CNTRL: variants seen among roughly 807,000 people sequenced by gnomAD.
The protein encoded by CNTRL is 110 kDa centrosomal protein.
In CNTRL, 233 loss-of-function variants were observed where a neutral mutation model predicts 303.7. That is an observed-to-expected ratio of 0.77 (90% CI 0.69 to 0.86). The LOEUF is 0.86. Ranked by LOEUF, CNTRL falls within the 40% of genes least tolerant of loss-of-function variation. The probability of loss-of-function intolerance (pLI) is 0.00; values close to 1 mark genes in which losing one functional copy is unlikely to be tolerated. For missense variants in CNTRL, 2,524 were observed against 2,650.6 expected (o/e 0.95, Z 1.05); for synonymous variants, 900 against 922.2 (o/e 0.98, Z 0.44).
chr9:121,129,077 T>G (rs2050705935), intron 14 of CNTRL, among the ~76,000 whole-genome samples: 1 of 152,266 alleles, frequency 6.6e-6, no homozygotes, highest in Admixed American at 6.5e-5. Context: ...GGTAGCGTGA[T>G]GCCTCCAGCT....
intron 39 of CNTRL, among the ~76,000 whole-genome samples, chr9:121,170,264 C>G (rs1319595772): frequency 6.6e-6 from 1 of 152,182 alleles, no homozygotes; most frequent in African/African-American, 2.4e-5. Context: ...ATGCCTCAGC[C>G]TCCTGAGTAG....
chr9:121,132,809 A>G (rs1455513555), intron 14 of CNTRL, among the ~76,000 whole-genome samples: 2 of 151,950 alleles, frequency 1.3e-5, no homozygotes, highest in African/African-American at 2.4e-5. Flanking sequence ...CTACCTCCAG[A>G]TGGGGTTTTG....
intron 43 of CNTRL, among the ~76,000 whole-genome samples, chr9:121,176,571 G>C (rs1379712944): frequency 5.9e-5 from 9 of 152,216 alleles, no homozygotes; most frequent in African/African-American, 2.2e-4. Context: ...GAGAAGAGTA[G>C]AGTGCACAAG....
intron 1 of CNTRL, among the ~76,000 whole-genome samples, chr9:121,076,104 C>T (rs2047914028): frequency 6.6e-6 from 1 of 152,174 alleles, no homozygotes; most frequent in African/African-American, 2.4e-5. Context: ...TCTCTTGTAG[C>T]TTATAGTCTA....
In CNTRL at chr9:121,167,547, A is replaced by G. The variant is rs761762541; in HGVS notation, c.5714A>G (p.Gln1905Arg). 7.4e-6 allele frequency: 12 copies of G among 1,614,010 alleles called. No homozygotes were observed. Among genetic ancestry groups the G allele is most frequent in the Middle Eastern group, 1.6e-4 (1 of 6,084 alleles). Residue 1905 changes from glutamine (Q) to arginine (R), a missense_variant, in exon 37 of 44, where the codon CAG becomes CGG. By Grantham distance (43) the Gln-to-Arg change is conservative. Coordinates refer to ENST00000373855, the MANE Select transcript of CNTRL (RefSeq NM_007018.6). ...TTGCTCAGTGAGCAGACCCGACTCCAGAAGGACATCAGTGAATGGGCAAAT... is the reference window on the plus strand; with the variant it reads ...TTGCTCAGTGAGCAGACCCGACTCCGGAAGGACATCAGTGAATGGGCAAAT... The part of the protein sequence containing the change: ...DVLLSEQTRL[Q>R]KDISEWANRF...
At chr9:121,128,804 G>T (rs374730393) in intron 14 of CNTRL, among the ~76,000 whole-genome samples, 1 of 151,854 alleles carries the variant, frequency 6.6e-6, no homozygotes, top group African/African-American at 2.4e-5. Flanking sequence ...AATCTATCTT[G>T]AATTAATTTT....
At chr9:121,148,302 T>G (rs2052002417) in intron 23 of CNTRL, among the ~76,000 whole-genome samples, 1 of 152,220 alleles carries the variant, frequency 6.6e-6, no homozygotes, top group African/African-American at 2.4e-5. Flanking sequence ...ATGGATGTTT[T>G]AAAATGGCTT....
intron 7 of CNTRL, among the ~76,000 whole-genome samples, chr9:121,100,714 G>T (rs1221702709): frequency 6.6e-6 from 1 of 152,154 alleles, no homozygotes; most frequent in African/African-American, 2.4e-5. Context: ...GATGGAGGAA[G>T]ATCTACCAAG....
chr9:121,153,133 C>T (rs2052374562), intron 26 of CNTRL, among the ~76,000 whole-genome samples: 1 of 152,130 alleles, frequency 6.6e-6, no homozygotes. Flanking sequence ...CCCTTTCTGT[C>T]ATCTCCCCTT....
intron 12 of CNTRL, among the ~76,000 whole-genome samples, chr9:121,122,961 G>C (rs1427825446): frequency 6.6e-6 from 1 of 152,118 alleles, no homozygotes; most frequent in Non-Finnish European, 1.5e-5. Flanking sequence ...GTCCCTGTCA[G>C]CTCTCAGTTT....
chr9:121,125,170 C>CTT lies in CNTRL; in HGVS notation c.1805-532_1805-531dup, dbSNP rs759688532. 1.8e-4 allele frequency among the ~76,000 whole-genome samples: 25 copies of CTT among 142,632 alleles called. 1 individual carries two copies. Among genetic ancestry groups the CTT allele is most frequent in the Admixed American group, 4.2e-4 (6 of 14,190 alleles). 93.6% of individuals were successfully genotyped at this position (142,632 alleles called of 152,430 possible). On this transcript the variant is annotated intron_variant, in intron 13 of 43. Transcript: ENST00000373855. ...TTTTTTATTTTATTTGTAAATTAAA[C>CTT]TTTTTTTTTTTTTTTGAGACGGAGC...
chr9:121,151,050 CTAGG>C (rs778471898), intron 25 of CNTRL, among the ~76,000 whole-genome samples: 2 of 151,918 alleles, frequency 1.3e-5, no homozygotes, highest in Non-Finnish European at 2.9e-5. Flanking sequence ...GGGATTATCT[CTAGG>C]TAGGATTTAT....
Position 121,146,114 on chromosome 9 carries a change from AAGG to A in CNTRL, c.3321_3323del (p.Gly1108del). Reference sequence around the variant, plus strand: ...GAATGACTTTTCTTTACAGACAACAAAGGAGGCTTTGAAAATGTTTTAGAAGAA... The same window carrying A: ...GAATGACTTTTCTTTACAGACAACAAAGGCTTTGAAAATGTTTTAGAAGAA... On this transcript the variant is annotated inframe_deletion, in exon 23 of 44. Coordinates refer to ENST00000373855, the MANE Select transcript of CNTRL (RefSeq NM_007018.6). 6.2e-7 allele frequency: 1 copy of A among 1,608,054 alleles called. No homozygotes were observed. The highest frequency in any genetic ancestry group is 8.5e-7 in the Non-Finnish European group (1 of 1,178,294).
intron 17 of CNTRL, among the ~76,000 whole-genome samples, 161 bp downstream of exon 17, chr9:121,140,947 GTTTAA>G (rs776715826): frequency 5.9e-5 from 9 of 152,078 alleles, no homozygotes; most frequent in Non-Finnish European, 1.2e-4. Context: ...ACAAAAGATT[GTTTAA>G]TTTATTTGTC....
intron 35 of CNTRL, 97 bp downstream of exon 35, chr9:121,165,197 G>C (rs1394466792): frequency 2.4e-6 from 3 of 1,238,030 alleles, no homozygotes; most frequent in Non-Finnish European, 3.3e-6. Context: ...TAATGAGCAT[G>C]GTGTTTCTTT....
intron 4 of CNTRL, among the ~76,000 whole-genome samples, chr9:121,093,828 AAG>A (rs946285339): frequency 6.6e-6 from 1 of 152,178 alleles, no homozygotes; most frequent in Admixed American, 6.5e-5. Context: ...AGGAGGGAGA[AAG>A]AGGTTGAATT....
chr9:121,127,584 G>A (rs1039656123), intron 14 of CNTRL, among the ~76,000 whole-genome samples: 5 of 151,510 alleles, frequency 3.3e-5, no homozygotes, highest in South Asian at 4.2e-4. Context: ...GCCTTTCACC[G>A]AGAGTCACCA....
intron 7 of CNTRL, among the ~76,000 whole-genome samples, chr9:121,104,581 C>G (rs1346792209): frequency 6.6e-6 from 1 of 151,148 alleles, no homozygotes; most frequent in African/African-American, 2.4e-5. Flanking sequence ...AAAAGAAAAT[C>G]AGATAGACTG....
At chr9:121,161,149 C>T (rs969227692) in intron 32 of CNTRL, 27 of 380,004 alleles carry the variant, frequency 7.1e-5, no homozygotes, top group East Asian at 1.5e-4. Context: ...TGTGTGTGCG[C>T]GCGTGCTCAC....
Sources: gnomAD v4.1 joint callset for allele counts (sites outside exome capture counted in the v4.1 genomes callset) on GRCh38, gnomAD v4.1.1 for gene constraint, MANE v1.5 for transcripts, NCBI Gene and HGNC (gene_info 2026-07-23, HGNC 2026-07-21) for gene names.